AGBL4: variants seen among roughly 807,000 people sequenced by gnomAD.
AGBL4 encodes AGBL carboxypeptidase 4, also known as cytosolic carboxypeptidase 6.
Under a neutral mutation model 66.4 loss-of-function variants are expected in AGBL4, and 58 were observed. The ratio of observed to expected loss-of-function variants is 0.87; its 90% CI spans 0.71 to 1.09. The LOEUF is 1.09. Among genes scored for constraint, AGBL4 ranks in the 50% least tolerant of loss-of-function variants. The pLI, the probability that AGBL4 is intolerant of heterozygous loss-of-function variation, is 0.00. For missense variants in AGBL4, 579 were observed against 631.0 expected, an observed-to-expected ratio of 0.92 and a Z score of 0.88; for synonymous variants, 234 against 222.9, an observed-to-expected ratio of 1.05 and a Z score of -0.44.
intron 3 of AGBL4, among the ~76,000 whole-genome samples, chr1:49,304,824 C>T (rs577142489): frequency 3.0e-4 from 46 of 152,206 alleles, no homozygotes; most frequent in Non-Finnish European, 6.5e-4. Context: ...ATAGTATAAA[C>T]TGTTATATTT....
At chr1:49,281,011 T>G (rs924108338) in intron 3 of AGBL4, among the ~76,000 whole-genome samples, 5 of 152,214 alleles carry the variant, frequency 3.3e-5, no homozygotes, top group African/African-American at 1.2e-4. Flanking sequence ...TATATATAAT[T>G]TGTTGAACAC....
chr1:49,101,297 T>C (rs1264220207), intron 4 of AGBL4, among the ~76,000 whole-genome samples: 1 of 152,052 alleles, frequency 6.6e-6, no homozygotes, highest in African/African-American at 2.4e-5. Context: ...AATCTATTCT[T>C]GTGTCTCAGC....
intron 1 of AGBL4, among the ~76,000 whole-genome samples, chr1:49,962,341 G>A (rs927000474): frequency 2.6e-5 from 4 of 152,018 alleles, no homozygotes; most frequent in South Asian, 4.1e-4. Context: ...TCCATTTACC[G>A]TGGTAGTTTT....
At chr1:49,606,560 C>CCTTAACTGGACCTGT (rs1645066854) in intron 3 of AGBL4, among the ~76,000 whole-genome samples, 1 of 152,216 alleles carries the variant, frequency 6.6e-6, no homozygotes, top group East Asian at 1.9e-4. Context: ...TGAAGACTCC[C>CCTTAACTGGACCTGT]CTTAACTGGA....
At chr1:48,713,702 C>A (rs1347493315) in intron 6 of AGBL4, among the ~76,000 whole-genome samples, 2 of 152,134 alleles carry the variant, frequency 1.3e-5, no homozygotes, top group African/African-American at 4.8e-5. Context: ...CTAAGGAGGA[C>A]CCTAAGGAAG....
intron 6 of AGBL4, among the ~76,000 whole-genome samples, chr1:48,745,415 A>T (rs1036331323): frequency 2.6e-5 from 4 of 152,144 alleles, no homozygotes; most frequent in African/African-American, 9.7e-5. Context: ...CTGCTATCAC[A>T]CTGTCTACAG....
intron 1 of AGBL4, among the ~76,000 whole-genome samples, chr1:49,905,781 A>G (rs952225052): frequency 2.6e-5 from 4 of 152,098 alleles, no homozygotes; most frequent in Admixed American, 2.0e-4. Context: ...TATTAATATG[A>G]CCAATAATTA....
chr1:49,284,566 A>G (rs1252437144), intron 3 of AGBL4, among the ~76,000 whole-genome samples: 1 of 152,240 alleles, frequency 6.6e-6, no homozygotes, highest in East Asian at 1.9e-4. Flanking sequence ...CAATTAAAAG[A>G]CACAGACTGG....
chr1:48,832,831 A>T (rs1370206020), intron 6 of AGBL4, among the ~76,000 whole-genome samples: 1 of 152,212 alleles, frequency 6.6e-6, no homozygotes, highest in Non-Finnish European at 1.5e-5. Context: ...TGAGTGCCTA[A>T]GCTTACACAT....
chr1:49,026,923 ACTTACTG>A (rs1454299361), intron 5 of AGBL4, among the ~76,000 whole-genome samples: 1 of 152,116 alleles, frequency 6.6e-6, no homozygotes. Context: ...CTGATGGTTC[ACTTACTG>A]GTTTTGGGGG....
intron 3 of AGBL4, among the ~76,000 whole-genome samples, chr1:49,331,880 C>T (rs886513373): frequency 1.3e-5 from 2 of 152,194 alleles, no homozygotes; most frequent in Admixed American, 6.5e-5. Context: ...CTCCAGCCAC[C>T]CTTACCCATA....
intron 3 of AGBL4, among the ~76,000 whole-genome samples, chr1:49,620,286 C>A (rs1645333490): frequency 6.6e-6 from 1 of 152,028 alleles, no homozygotes; most frequent in Non-Finnish European, 1.5e-5. Context: ...AAACAAACCA[C>A]CCCATCAAAA....
intron 1 of AGBL4, among the ~76,000 whole-genome samples, chr1:50,014,536 CTTTTTTTT>C (rs886696766): frequency 7.3e-5 from 8 of 109,028 alleles, no homozygotes; most frequent in Non-Finnish European, 1.3e-4. Flanking sequence ...CAGAGGATTT[CTTTTTTTT>C]TTTTTTTTTT....
intron 1 of AGBL4, among the ~76,000 whole-genome samples, chr1:49,909,886 C>A (rs1337617845): frequency 6.6e-6 from 1 of 152,052 alleles, no homozygotes; most frequent in East Asian, 1.9e-4. Flanking sequence ...GAGCTTTTGT[C>A]TATTGAGAAA....
At chr1:49,636,886 G>T (rs964500446) in intron 3 of AGBL4, among the ~76,000 whole-genome samples, 5 of 152,204 alleles carry the variant, frequency 3.3e-5, no homozygotes, top group African/African-American at 1.2e-4. Flanking sequence ...GATCCTGGGT[G>T]TGTCTGTGAA....
At chr1:49,563,682 T>C (rs1644114430) in intron 3 of AGBL4, among the ~76,000 whole-genome samples, 1 of 152,132 alleles carries the variant, frequency 6.6e-6, no homozygotes, top group African/African-American at 2.4e-5. Flanking sequence ...GTGGATAAGC[T>C]TTTTGATGTG....
At chr1:48,764,262 A>C (rs1644419552) in intron 6 of AGBL4, among the ~76,000 whole-genome samples, 1 of 152,232 alleles carries the variant, frequency 6.6e-6, no homozygotes, top group African/African-American at 2.4e-5. Context: ...GGTGATCTTG[A>C]GTAAGTTAAT....
intron 5 of AGBL4, among the ~76,000 whole-genome samples, chr1:48,910,482 T>C (rs943568364): frequency 2.6e-5 from 4 of 152,162 alleles, no homozygotes; most frequent in Admixed American, 2.6e-4. Flanking sequence ...AAGAAAGTCT[T>C]TCCACATCAC....
intron 2 of AGBL4, among the ~76,000 whole-genome samples, chr1:49,724,382 T>C (rs1648850932): frequency 6.6e-6 from 1 of 152,204 alleles, no homozygotes. Context: ...GGTCAACATA[T>C]AATTATTGTT....
Sources: allele counts gnomAD v4.1 joint callset (sites outside exome capture counted in the v4.1 genomes callset), GRCh38; gene constraint gnomAD v4.1.1; transcripts MANE v1.5; gene names NCBI Gene and HGNC (gene_info 2026-07-23, HGNC 2026-07-21).